The following FAM13B variants were observed in gnomAD, a reference collection of about 807,000 sequenced individuals.
The protein encoded by FAM13B is family with sequence similarity 13 member B.
Under a neutral mutation model 117.3 loss-of-function variants are expected in FAM13B, and 60 were observed. The ratio of observed to expected loss-of-function variants is 0.51; its 90% CI spans 0.42 to 0.63. The LOEUF is 0.63. Ranked by LOEUF, FAM13B falls within the 30% of genes least tolerant of loss-of-function variation. The pLI, the probability that FAM13B is intolerant of heterozygous loss-of-function variation, is 0.00. For synonymous variants in FAM13B, 332 were observed against 356.1 expected, an observed-to-expected ratio of 0.93 and a Z score of 0.76; for missense variants, 972 against 1,091.9, an observed-to-expected ratio of 0.89 and a Z score of 1.55.
intron 1 of FAM13B, among the ~76,000 whole-genome samples, chr5:138,027,126 A>C (rs1476864998): frequency 6.6e-6 from 1 of 152,138 alleles, no homozygotes; most frequent in Non-Finnish European, 1.5e-5. Context: ...AGAATGACTC[A>C]AAAAGATGTG....
chr5:137,973,769 A>C (rs1313131269), intron 10 of FAM13B, among the ~76,000 whole-genome samples: 4 of 136,552 alleles, frequency 2.9e-5, no homozygotes, highest in African/African-American at 1.1e-4. Context: ...AAAAAAACAA[A>C]CAACCCCATC....
Position 137,946,232 on chromosome 5 carries a change from C to T in FAM13B, c.2240G>A (p.Arg747Lys), listed in dbSNP as rs1380449588. Reference protein sequence around the residue: ...SLLYYESQHGRPVTKEERHIV... With the variant: ...SLLYYESQHGKPVTKEERHIV... ...TTTTAGCAAGAGAGATATTACCGGC[C>T]TTCCATGTTGACTTTCATAGTAAAG... The change falls in exon 19 of 24, where the codon AGG becomes AAG. Residue 747 changes from arginine to lysine, a missense_variant. Arg to Lys is a conservative substitution (Grantham distance 26). Coordinates refer to ENST00000689681, the MANE Select transcript of FAM13B (RefSeq NM_001385994.1). The T allele has an allele frequency of 6.3e-7, 1 of 1,584,322 alleles. No homozygotes were observed. The highest frequency in any genetic ancestry group is 8.5e-7 in the Non-Finnish European group (1 of 1,169,598).
At chr5:137,972,069 T>C (rs970711455) in intron 10 of FAM13B, among the ~76,000 whole-genome samples, 2 of 149,808 alleles carry the variant, frequency 1.3e-5, no homozygotes, top group Non-Finnish European at 3.0e-5. Context: ...CTGAAACTAT[T>C]CCAATCAACA....
intron 10 of FAM13B, among the ~76,000 whole-genome samples, chr5:137,982,408 G>A (rs1263382045): frequency 6.6e-6 from 1 of 152,114 alleles, no homozygotes; most frequent in Non-Finnish European, 1.5e-5. Context: ...CAAAAAATTA[G>A]CCGGGCATGG....
intron 1 of FAM13B, 77 bp from the exon 2 acceptor site, chr5:138,021,274 C>T: frequency 9.1e-7 from 1 of 1,102,570 alleles, no homozygotes; most frequent in Non-Finnish European, 1.1e-6. Context: ...AGCAGCAGTA[C>T]AGTCCTCTTA....
chr5:138,027,030 G>A (rs151079471), intron 1 of FAM13B, among the ~76,000 whole-genome samples: 83 of 152,150 alleles, frequency 5.5e-4, no homozygotes, highest in Non-Finnish European at 7.5e-4. Flanking sequence ...AGCTACTCAG[G>A]AGGCTGAGAT....
chr5:137,946,882 T>G (rs1306055483), intron 18 of FAM13B, among the ~76,000 whole-genome samples: 1 of 152,230 alleles, frequency 6.6e-6, no homozygotes, highest in Non-Finnish European at 1.5e-5. Context: ...GGAAAGATCC[T>G]GGAAAAAGCT....
Position 138,011,954 on chromosome 5 carries a change from C to G in FAM13B, c.371-9G>C. The G allele has an allele frequency of 6.5e-7, 1 of 1,549,418 alleles. No individual in the cohort carries two copies. The highest frequency in any genetic ancestry group is 2.1e-4 in the Middle Eastern group (1 of 4,816). On this transcript the variant is annotated splice_polypyrimidine_tract_variant and intron_variant, in intron 4 of 23. Coordinates refer to ENST00000689681, the MANE Select transcript of FAM13B (RefSeq NM_001385994.1). The stretch of plus-strand genomic sequence containing the variant: ...ATCTTCATTATTATAATCTATAAAA[C>G]AATAATAACAGGTTTTTTTCAATAA...
rs1255405160 is a variant in FAM13B, at chr5:137,979,013, C to CT, written c.1179+6243dup. Among the ~76,000 whole-genome samples the CT allele has an allele frequency of 5.5e-3, 765 of 138,324 alleles. 2 individuals carry two copies. Among genetic ancestry groups the CT allele is most frequent in the South Asian group, 6.6e-3 (29 of 4,386 alleles). 90.7% of individuals were successfully genotyped at this position (138,324 alleles called of 152,430 possible). On this transcript the variant is annotated intron_variant, in intron 10 of 23. Transcript: ENST00000689681. ...CCTTCCCTAGGGCTCACAGTTCAGA[C>CT]TTTTTTTTTTTTTTTTTGAGACAGG...
rs777629102 is a variant in FAM13B, at chr5:137,942,017, C to T, written c.2617G>A (p.Ala873Thr). 3.7e-6 allele frequency: 6 copies of T among 1,613,974 alleles called. No individual in the cohort carries two copies. Among genetic ancestry groups the T allele is most frequent in the Non-Finnish European group, 5.1e-6 (6 of 1,179,994 alleles). Residue 873 changes from alanine (A) to threonine (T), a missense_variant, in exon 23 of 24, where the codon GCC becomes ACC. Coordinates refer to ENST00000689681, the MANE Select transcript of FAM13B (RefSeq NM_001385994.1). ...CGTAGTTTCTTTTTTTCAGCTCTGGCTTTCCAAAGTTGTTCCAATAATTCA... is the reference window on the plus strand; with the variant it reads ...CGTAGTTTCTTTTTTTCAGCTCTGGTTTTCCAAAGTTGTTCCAATAATTCA... ...MPELLEQLWK[A>T]RAEKKKLRKT...
chr5:138,010,079 C>T (rs925626972), intron 6 of FAM13B, among the ~76,000 whole-genome samples: 4 of 152,074 alleles, frequency 2.6e-5, no homozygotes, highest in Non-Finnish European at 5.9e-5. Context: ...CTCCCAGGTT[C>T]AAGCAATTCT....
intron 10 of FAM13B, among the ~76,000 whole-genome samples, chr5:137,970,339 A>G (rs1458471923): frequency 6.6e-6 from 1 of 152,084 alleles, no homozygotes; most frequent in Admixed American, 6.5e-5. Flanking sequence ...TTCAACCCAG[A>G]ATTTCATATC....
At chr5:138,045,394 C>T (rs1222438080) in intron 1 of FAM13B, among the ~76,000 whole-genome samples, 5 of 151,908 alleles carry the variant, frequency 3.3e-5, no homozygotes, top group South Asian at 2.1e-4. Flanking sequence ...ATTAGCCAAG[C>T]ACAGTGGCAC....
At chr5:137,943,638 A>T (rs975031153) in intron 20 of FAM13B, among the ~76,000 whole-genome samples, 2 of 152,106 alleles carry the variant, frequency 1.3e-5, no homozygotes, top group Non-Finnish European at 2.9e-5. Context: ...CCAGCTACTC[A>T]GGAGGCTGAG....
intron 10 of FAM13B, among the ~76,000 whole-genome samples, chr5:137,977,860 T>C (rs1057224461): frequency 1.3e-5 from 2 of 152,242 alleles, no homozygotes; most frequent in Admixed American, 6.5e-5. Context: ...TATTTGATTA[T>C]AAATCAGAGA....
At chr5:138,048,494 A>G (rs917972708) in intron 1 of FAM13B, among the ~76,000 whole-genome samples, 1 of 152,206 alleles carries the variant, frequency 6.6e-6, no homozygotes, top group Non-Finnish European at 1.5e-5. Context: ...TGAGCAGATA[A>G]TTAGAAAAAT....
At chr5:138,029,932 T>C (rs1466221038) in intron 1 of FAM13B, among the ~76,000 whole-genome samples, 4 of 152,236 alleles carry the variant, frequency 2.6e-5, no homozygotes, top group African/African-American at 9.6e-5. Flanking sequence ...ATACATTATA[T>C]ATACAAGGAA....
At chr5:137,989,999 A>C (rs916366731) in intron 7 of FAM13B, among the ~76,000 whole-genome samples, 1 of 151,922 alleles carries the variant, frequency 6.6e-6, no homozygotes, top group Non-Finnish European at 1.5e-5. Flanking sequence ...ATTTCTGTAG[A>C]AAAAAAACAA....
rs747968717 is a variant in FAM13B at position 137,943,205 on chromosome 5, G to A, written c.2352C>T (p.Ser784=). The A allele has an allele frequency of 3.1e-6, 5 of 1,613,176 alleles. No individual in the cohort carries two copies. In the African/African-American group the frequency reaches 4.0e-5, roughly 13 times the overall value. ...ASITPVLGSP[S]TKRRGQMLQP... ...GTAACATCTGACCCCTTCGCTTGGT[G>A]GATGGAGATCCCTATAACAATCAAT... The change falls in exon 21 of 24, where the codon TCC becomes TCT. Residue 784 remains serine (S), a synonymous_variant. Transcript: ENST00000689681.
Sources: allele counts gnomAD v4.1 joint callset (sites outside exome capture counted in the v4.1 genomes callset), GRCh38; gene constraint gnomAD v4.1.1; transcripts MANE v1.5; gene names NCBI Gene and HGNC (gene_info 2026-07-23, HGNC 2026-07-21).